SPIRE1: variants seen among roughly 807,000 people sequenced by gnomAD.
SPIRE1 encodes the protein protein spire homolog 1.
In SPIRE1, 40 loss-of-function variants were observed where a neutral mutation model predicts 94.1. The ratio of observed to expected loss-of-function variants is 0.43; its 90% confidence interval spans 0.33 to 0.55. SPIRE1 has a LOEUF of 0.55. SPIRE1 is among the 20% of genes least tolerant of loss of function. The pLI is 0.06. For missense variants in SPIRE1, 838 were observed against 975.2 expected (o/e 0.86, Z 1.87); for synonymous variants, 376 against 371.7 (o/e 1.01, Z -0.13).
intron 2 of SPIRE1, among the ~76,000 whole-genome samples, chr18:12,610,358 T>C (rs1598526986): frequency 1.3e-5 from 2 of 152,160 alleles, no homozygotes; most frequent in Admixed American, 1.3e-4. Context: ...TTCCCTCTAA[T>C]ATTTGACTCC....
intron 2 of SPIRE1, among the ~76,000 whole-genome samples, chr18:12,618,890 T>A (rs994725955): frequency 7.9e-6 from 1 of 125,848 alleles, no homozygotes; most frequent in Admixed American, 7.5e-5. Flanking sequence ...AAAAACAATT[T>A]TTTTCCCCCC....
chr18:12,579,186 T>TACACACACACAC (rs755425946), intron 2 of SPIRE1, among the ~76,000 whole-genome samples: 88 of 108,576 alleles, frequency 8.1e-4, no homozygotes, highest in East Asian at 1.8e-3. Context: ...GGAAAAAGTT[T>TACACACACACAC]ACACACACAC....
chr18:12,657,353 GC>G (rs537631460), intron 1 of SPIRE1, among the ~76,000 whole-genome samples, 176 bp downstream of exon 1: 2,165 of 152,280 alleles, frequency 0.014, 25 homozygotes, highest in Non-Finnish European at 0.023. Context: ...AGGGGCCCCG[GC>G]CAGCCACGGC....
At chr18:12,659,072 T>C (rs1281273844), upstream of SPIRE1, among the ~76,000 whole-genome samples, 1 of 152,230 alleles carries the variant, frequency 6.6e-6, no homozygotes, top group African/African-American at 2.4e-5. Context: ...CAGATAATTC[T>C]TAATCACCCA....
intron 4 of SPIRE1, among the ~76,000 whole-genome samples, chr18:12,515,903 A>G (rs995711685): frequency 1.3e-5 from 2 of 152,100 alleles, no homozygotes; most frequent in Non-Finnish European, 2.9e-5. Context: ...CCTCTGCTCA[A>G]TCCTGCTTTC....
At chr18:12,465,240 G>C (rs919051535) in intron 10 of SPIRE1, among the ~76,000 whole-genome samples, 1 of 152,100 alleles carries the variant, frequency 6.6e-6, no homozygotes, top group Non-Finnish European at 1.5e-5. Flanking sequence ...GCAGTGGTGT[G>C]ATCTGGGCCC....
At chr18:12,526,696 C>T (rs2034532365) in intron 4 of SPIRE1, among the ~76,000 whole-genome samples, 1 of 146,470 alleles carries the variant, frequency 6.8e-6, no homozygotes, top group Non-Finnish European at 1.5e-5. Context: ...ATATGGAAGA[C>T]ATTTTATTTT....
At chr18:12,468,065 A>G (rs2032196790) in intron 10 of SPIRE1, among the ~76,000 whole-genome samples, 1 of 152,228 alleles carries the variant, frequency 6.6e-6, no homozygotes, top group Admixed American at 6.5e-5. Flanking sequence ...AACCAGTTAG[A>G]GTTAAATTCT....
At chr18:12,561,603 C>CATTTTATT (rs1336129570) in intron 2 of SPIRE1, among the ~76,000 whole-genome samples, 2 of 152,174 alleles carry the variant, frequency 1.3e-5, no homozygotes, top group African/African-American at 4.8e-5. Flanking sequence ...TCAGCACTAT[C>CATTTTATT]ATCACCTCAC....
chr18:12,470,556 G>C (rs1226138150), intron 10 of SPIRE1, among the ~76,000 whole-genome samples: 3 of 152,138 alleles, frequency 2.0e-5, no homozygotes. Flanking sequence ...GGGTAACTTA[G>C]ACACTCAGAA....
intron 2 of SPIRE1, among the ~76,000 whole-genome samples, chr18:12,607,591 A>G (rs1158466274): frequency 8.6e-6 from 1 of 116,352 alleles, no homozygotes; most frequent in Non-Finnish European, 1.7e-5. Context: ...TCTACTCCAC[A>G]GCACTACACA....
chr18:12,514,283 C>G, intron 4 of SPIRE1, among the ~76,000 whole-genome samples: 1 of 152,164 alleles, frequency 6.6e-6, no homozygotes, highest in East Asian at 1.9e-4. Context: ...ACCTTCTCAA[C>G]GGGGTCTATC....
intron 1 of SPIRE1, among the ~76,000 whole-genome samples, chr18:12,637,519 T>C (rs924258748): frequency 1.3e-5 from 2 of 152,186 alleles, no homozygotes; most frequent in African/African-American, 2.4e-5. Context: ...AATGAGCACA[T>C]GAGTAAATAC....
chr18:12,449,574 C>A lies in SPIRE1; in HGVS notation c.*64G>T. On this transcript the variant is annotated 3_prime_UTR_variant, in exon 17 of 17. Transcript: ENST00000409402. ...AAAACCACAGAAAGGAGAGCCAGCC[C>A]GGCTCAGTGTCCTCGCGCACGGACG... The A allele has an allele frequency of 6.6e-7, 1 of 1,524,066 alleles. No homozygotes were observed. Among genetic ancestry groups the A allele is most frequent in the Non-Finnish European group, 8.9e-7 (1 of 1,128,086 alleles). The allele number at this position is 1,524,066 out of a possible 1,614,324, so 94.4% of individuals were successfully genotyped here.
intron 4 of SPIRE1, among the ~76,000 whole-genome samples, chr18:12,519,243 TG>T (rs2034289709): frequency 6.6e-6 from 1 of 152,222 alleles, no homozygotes; most frequent in Non-Finnish European, 1.5e-5. Context: ...AAACTATAGA[TG>T]AAGTCATAAA....
intron 2 of SPIRE1, among the ~76,000 whole-genome samples, chr18:12,609,067 C>G (rs895432798): frequency 3.3e-5 from 5 of 152,138 alleles, no homozygotes; most frequent in African/African-American, 1.2e-4. Context: ...GGATACCTCG[C>G]ACGCACAGTT....
At chr18:12,473,640 T>C (rs1229952979) in intron 10 of SPIRE1, among the ~76,000 whole-genome samples, 1 of 151,916 alleles carries the variant, frequency 6.6e-6, no homozygotes, top group Non-Finnish European at 1.5e-5. Flanking sequence ...TAAGGAGTTT[T>C]TTCTTTTTAT....
intron 2 of SPIRE1, among the ~76,000 whole-genome samples, chr18:12,610,244 C>T (rs892219936): frequency 3.3e-5 from 5 of 152,098 alleles, no homozygotes; most frequent in African/African-American, 1.2e-4. Context: ...CTGACCCTTC[C>T]AATATTGTGG....
intron 9 of SPIRE1, among the ~76,000 whole-genome samples, chr18:12,485,473 A>G (rs2033003850): frequency 6.6e-6 from 1 of 152,216 alleles, no homozygotes; most frequent in Admixed American, 6.5e-5. Context: ...GAGCACAAAG[A>G]TACAAAAGAG....
Sources: allele counts gnomAD v4.1 joint callset (sites outside exome capture counted in the v4.1 genomes callset), GRCh38; gene constraint gnomAD v4.1.1; transcripts MANE v1.5; gene names NCBI Gene and HGNC (gene_info 2026-07-23, HGNC 2026-07-21).